TTC34: variants seen among roughly 807,000 people sequenced by gnomAD.
The protein encoded by TTC34 is tetratricopeptide repeat protein 34.
Under a neutral mutation model 40.7 loss-of-function variants are expected in TTC34, and 44 were observed. The observed-to-expected ratio is 1.08, with a 90% CI of 0.85 to 1.39. TTC34 has a LOEUF of 1.39. Ranked by LOEUF, TTC34 falls within the 40% of genes most tolerant of loss-of-function variation. The pLI, the probability that TTC34 is intolerant of heterozygous loss-of-function variation, is 0.00. For synonymous variants in TTC34, 422 were observed against 398.6 expected (o/e 1.06, Z -0.70); for missense variants, 884 against 838.0 (o/e 1.05, Z -0.68).
chr1:2,775,540 C>G (rs539421350), intron 6 of TTC34: 13 of 148,174 alleles, frequency 8.8e-5, no homozygotes, highest in South Asian at 6.2e-4. Context: ...ACAACCAGAA[C>G]CTGCACCACA....
chr1:2,677,608 C>G (rs1570792724), intron 6 of TTC34, among the ~76,000 whole-genome samples: 1 of 72,198 alleles, frequency 1.4e-5, no homozygotes, highest in Admixed American at 1.6e-4. Flanking sequence ...CAGCACGCTG[C>G]CCCCCCAGGT....
chr1:2,798,255 TCCCCGGCC>T (rs1643731725), intron 2 of TTC34, among the ~76,000 whole-genome samples: 1 of 6,994 alleles, frequency 1.4e-4, no homozygotes, highest in Admixed American at 1.8e-3. Context: ...GCCCCTCAGC[TCCCCGGCC>T]CCCCAGCCTC....
intron 6 of TTC34, chr1:2,776,481 C>A (rs1376386105): frequency 1.2e-5 from 1 of 83,724 alleles, no homozygotes; most frequent in Non-Finnish European, 2.2e-5. Context: ...AAAAACAACC[C>A]CCTTCAGGTG....
intron 6 of TTC34, among the ~76,000 whole-genome samples, chr1:2,698,497 G>T (rs1435163684): frequency 7.7e-6 from 1 of 130,450 alleles, no homozygotes; most frequent in African/African-American, 3.0e-5. Context: ...TCCCAGGCGA[G>T]CATCTGACAG....
chr1:2,690,362 A>C (rs1261410494), intron 6 of TTC34, among the ~76,000 whole-genome samples: 6 of 135,556 alleles, frequency 4.4e-5, no homozygotes, highest in African/African-American at 8.7e-5. Flanking sequence ...ATCTGAACTC[A>C]TGGAGCAGCA....
chr1:2,769,546 C>A (rs1462518520), intron 6 of TTC34, among the ~76,000 whole-genome samples: 2 of 116,194 alleles, frequency 1.7e-5, no homozygotes, highest in African/African-American at 3.7e-5. Flanking sequence ...CAGCACCCCA[C>A]ACCTCCAGGG....
At chr1:2,682,674 GGCGAGC>G (rs1176145151) in intron 6 of TTC34, among the ~76,000 whole-genome samples, 6 of 139,336 alleles carry the variant, frequency 4.3e-5, no homozygotes, top group Admixed American at 1.5e-4. Flanking sequence ...CACACCCCCA[GGCGAGC>G]ATCCGACAGC....
intron 4 of TTC34, 49 bp downstream of exon 4, chr1:2,787,432 A>T: frequency 3.5e-6 from 5 of 1,433,690 alleles, no homozygotes; most frequent in East Asian, 2.5e-5. Flanking sequence ...CCCTCTTCCC[A>T]GCTGGGCCCA....
rs377541332 is a variant in TTC34, at chr1:2,692,488, G to A, written c.2227-46925C>T. Among the ~76,000 whole-genome samples the A allele has an allele frequency of 3.7e-4, 52 of 141,688 alleles. 2 individuals carry two copies. In the East Asian group the frequency reaches 7.8e-3, roughly 21 times the overall value. 93.0% of individuals were successfully genotyped at this position (141,688 alleles called of 152,430 possible). A position where few individuals can be genotyped will look rare whatever the true frequency, so the allele number is the denominator to read the frequency against. ...CCCCCAGGTGAGCATCTGACAGCCT[G>A]GAACAGCAGCCTGCACCCCCAGGTG... On this transcript the variant is annotated intron_variant, in intron 6 of 8. Coordinates refer to ENST00000401095, the Ensembl canonical transcript of TTC34.
At chr1:2,768,661 C>A (rs1236380105) in intron 6 of TTC34, among the ~76,000 whole-genome samples, 296 of 151,370 alleles carry the variant, frequency 2.0e-3, no homozygotes, top group Non-Finnish European at 3.2e-3. Context: ...CAGCTCACAT[C>A]CCCAGGTAAG....
chr1:2,764,209 A>G (rs1211394756), intron 6 of TTC34, among the ~76,000 whole-genome samples: 1 of 143,822 alleles, frequency 7.0e-6, no homozygotes, highest in African/African-American at 2.6e-5. Flanking sequence ...ACAGTCTGGA[A>G]CAGCATCCAC....
intron 5 of TTC34, among the ~76,000 whole-genome samples, chr1:2,784,245 T>C (rs1302016750): frequency 6.6e-6 from 1 of 152,184 alleles, no homozygotes; most frequent in Non-Finnish European, 1.5e-5. Flanking sequence ...GAAGCAGAGA[T>C]AGAAGGTGGC....
chr1:2,757,656 G>T (rs1641551371), intron 6 of TTC34, among the ~76,000 whole-genome samples: 3 of 145,864 alleles, frequency 2.1e-5, no homozygotes, highest in South Asian at 2.2e-4. Flanking sequence ...CGACAGCCTG[G>T]AGCAGGACCC....
exon 2 of TTC34, chr1:2,800,271 G>A (rs1381028425): frequency 5.0e-6 from 2 of 398,692 alleles, no homozygotes; most frequent in South Asian, 1.3e-4. Context: ...ACTGAGCAGC[G>A]CGGGGAGGTG....
chr1:2,769,353 T>G (rs867531322), intron 6 of TTC34, among the ~76,000 whole-genome samples: 7 of 7,212 alleles, frequency 9.7e-4, no homozygotes, highest in African/African-American at 1.9e-3. Context: ...CGCCCCCAGG[T>G]GAGCACCTGA....
At chr1:2,751,485 A>C (rs1641317708) in intron 6 of TTC34, among the ~76,000 whole-genome samples, 1 of 39,606 alleles carries the variant, frequency 2.5e-5, no homozygotes, top group South Asian at 8.8e-4. Context: ...CTGCACCCCC[A>C]TGCCCAGGTG....
At chr1:2,655,546 T>A (rs1570761652) in intron 6 of TTC34, among the ~76,000 whole-genome samples, 3 of 112,660 alleles carry the variant, frequency 2.7e-5, no homozygotes, top group Admixed American at 1.4e-4. Flanking sequence ...CCAGTGAGCA[T>A]CTGACAGCCT....
intron 6 of TTC34, among the ~76,000 whole-genome samples, chr1:2,783,366 G>A (rs549251457): frequency 7.9e-5 from 12 of 152,196 alleles, no homozygotes; most frequent in African/African-American, 2.9e-4. Flanking sequence ...CTGAAGGCTC[G>A]CACATCTATC....
chr1:2,655,046 C>A (rs1031500816), intron 6 of TTC34, among the ~76,000 whole-genome samples: 1 of 86,922 alleles, frequency 1.2e-5, no homozygotes, highest in African/African-American at 4.3e-5. Flanking sequence ...CGGAACAGCA[C>A]GCTGCACCCC....
Sources: allele counts gnomAD v4.1 joint callset (sites outside exome capture counted in the v4.1 genomes callset), GRCh38; gene constraint gnomAD v4.1.1; transcripts MANE v1.5; gene names NCBI Gene and HGNC (gene_info 2026-07-23, HGNC 2026-07-21).